Variants in TFEC observed in about 807,000 individuals in gnomAD.
The protein encoded by TFEC is transcription factor EC.
Under a neutral mutation model 41.6 loss-of-function variants are expected in TFEC, and 31 were observed. The ratio of observed to expected loss-of-function variants is 0.74; its 90% CI spans 0.56 to 1.01. The LOEUF (loss-of-function observed/expected upper bound fraction) is 1.01, where lower values mean the gene tolerates loss of function less well. Among genes scored for constraint, TFEC ranks in the 50% least tolerant of loss-of-function variants. The pLI, the probability that TFEC is intolerant of heterozygous loss-of-function variation, is 0.00. For missense variants in TFEC, 402 were observed against 404.1 expected, an observed-to-expected ratio of 0.99 and a Z score of 0.04; for synonymous variants, 143 against 140.6, an observed-to-expected ratio of 1.02 and a Z score of -0.12.
chr7:115,983,674 T>C (rs952913651), intron 2 of TFEC, among the ~76,000 whole-genome samples: 2 of 152,166 alleles, frequency 1.3e-5, no homozygotes, highest in African/African-American at 4.8e-5. Flanking sequence ...ACAATAAATA[T>C]AAACTCCATG....
intron 3 of TFEC, among the ~76,000 whole-genome samples, chr7:116,041,880 T>G (rs924668950): frequency 6.6e-6 from 1 of 152,174 alleles, no homozygotes; most frequent in Non-Finnish European, 1.5e-5. Context: ...AGGACAGAGC[T>G]GCATGATCAG....
chr7:116,124,469 T>C, intron 1 of TFEC, among the ~76,000 whole-genome samples: 1 of 152,130 alleles, frequency 6.6e-6, no homozygotes, highest in Admixed American at 6.6e-5. Flanking sequence ...AACTTTGGCG[T>C]ATAATTCAAC....
intron 1 of TFEC, among the ~76,000 whole-genome samples, chr7:115,995,423 ATGC>A (rs1255902077): frequency 1.3e-5 from 2 of 152,334 alleles, no homozygotes; most frequent in African/African-American, 4.8e-5. Context: ...ATGCTTACGT[ATGC>A]TTATATAATA....
chr7:115,977,362 C>T (rs1314847088), intron 2 of TFEC, among the ~76,000 whole-genome samples: 2 of 151,978 alleles, frequency 1.3e-5, no homozygotes, highest in Non-Finnish European at 2.9e-5. Context: ...CAAAGGAAAA[C>T]ATTTATGTTT....
In TFEC at chr7:116,119,272, A is replaced by G. The variant is rs570725070; in HGVS notation, c.-68-7234T>C. Among the ~76,000 whole-genome samples the G allele has an allele frequency of 2.6e-5, 4 of 152,032 alleles. No homozygotes were observed. The East Asian group carries it at 7.7e-4, about 29-fold the overall frequency. On this transcript the variant is annotated intron_variant, in intron 1 of 8. Transcript: ENST00000484212. ...TAACCCAGACACATTTGACTTGAAA[A>G]CAAATACCCCTAAACTACATTATAC...
rs529844281 is a variant in TFEC, at chr7:115,961,070, TC to T, written c.268-4278del. On this transcript the variant is annotated intron_variant, in intron 3 of 7. Transcript: ENST00000265440. The stretch of plus-strand genomic sequence containing the variant: ...AAATAGTGGAAGACTTTAACACACA[TC>T]TCTTCATTTTTGAAAAGTCAAGCAG... 2.9e-3 allele frequency among the ~76,000 whole-genome samples: 442 copies of T among 151,736 alleles called. 3 individuals are homozygous for T. Among genetic ancestry groups the T allele is most frequent in the Non-Finnish European group, 4.9e-3 (332 of 67,724 alleles).
intron 1 of TFEC, among the ~76,000 whole-genome samples, chr7:115,986,092 T>C (rs1793842553): frequency 6.6e-6 from 1 of 152,186 alleles, no homozygotes; most frequent in Admixed American, 6.6e-5. Flanking sequence ...AAAGCCTCAT[T>C]GAAGCACTTA....
chr7:116,126,553 A>C (rs1798212822), intron 1 of TFEC, among the ~76,000 whole-genome samples: 1 of 152,174 alleles, frequency 6.6e-6, no homozygotes, highest in Non-Finnish European at 1.5e-5. Flanking sequence ...GAACACTATC[A>C]AGAAATTTTA....
chr7:115,946,869 C>T (rs556293050), intron 6 of TFEC, among the ~76,000 whole-genome samples: 14 of 150,960 alleles, frequency 9.3e-5, no homozygotes, highest in South Asian at 2.2e-4. Flanking sequence ...TGATCATTTC[C>T]GGATAATGAA....
intron 3 of TFEC, among the ~76,000 whole-genome samples, chr7:116,102,692 C>G (rs1375449887): frequency 1.3e-5 from 2 of 152,142 alleles, no homozygotes; most frequent in Admixed American, 6.6e-5. Context: ...GTACACAACA[C>G]CTAAGAATAA....
intron 5 of TFEC, among the ~76,000 whole-genome samples, chr7:115,953,769 C>T (rs1792072190): frequency 6.6e-6 from 1 of 152,110 alleles, no homozygotes; most frequent in South Asian, 2.1e-4. Flanking sequence ...GCAAACATCA[C>T]TGTGACACAG....
At chr7:116,004,983 A>C (rs1300384144) in intron 1 of TFEC, among the ~76,000 whole-genome samples, 1 of 152,118 alleles carries the variant, frequency 6.6e-6, no homozygotes, top group Non-Finnish European at 1.5e-5. Context: ...CGGTTTCATA[A>C]GGGGGAGTTT....
chr7:116,054,125 G>A (rs1796376286), intron 3 of TFEC, among the ~76,000 whole-genome samples: 1 of 152,154 alleles, frequency 6.6e-6, no homozygotes, highest in Non-Finnish European at 1.5e-5. Flanking sequence ...CATCAGGGAG[G>A]ACTGTGCTAT....
intron 1 of TFEC, among the ~76,000 whole-genome samples, chr7:116,013,124 T>C (rs10500054): frequency 0.4 from 61,316 of 151,914 alleles, 13,356 homozygotes; most frequent in Non-Finnish European, 0.5. Context: ...CTAAGTACAT[T>C]TCTATCACTC....
chr7:115,941,912 C>T lies in TFEC; in HGVS notation c.644G>A (p.Arg215Gln), dbSNP rs1584544814. The stretch of plus-strand genomic sequence containing the variant: ...AAAAACCTGAATCCGAAGTAGAAGT[C>T]GCCTGTTAGCCTGCTCTAATTTCTT... Reference protein sequence around the residue: ...RQKKLEQANRRLLLRIQELEI... With the variant: ...RQKKLEQANRQLLLRIQELEI... Residue 215 changes from arginine (R) to glutamine (Q), a missense_variant, in exon 7 of 8, where the codon CGA (arginine) becomes CAA (glutamine). Physicochemically the swap from Arg to Gln is conservative, Grantham distance 43. Coordinates refer to ENST00000265440, the MANE Select transcript of TFEC (RefSeq NM_012252.4). 6 of 1,612,968 alleles carry T rather than the reference C, an allele frequency of 3.7e-6. No homozygotes were observed. The highest frequency in any genetic ancestry group is 2.2e-5 in the East Asian group (1 of 44,830).
At chr7:116,083,231 C>T (rs1290599271) in intron 3 of TFEC, among the ~76,000 whole-genome samples, 1 of 151,618 alleles carries the variant, frequency 6.6e-6, no homozygotes, top group Non-Finnish European at 1.5e-5. Context: ...AATTACAAGG[C>T]TAACTTCTTC....
chr7:116,056,957 G>C (rs1796445675), intron 3 of TFEC, among the ~76,000 whole-genome samples: 1 of 151,954 alleles, frequency 6.6e-6, no homozygotes, highest in East Asian at 1.9e-4. Context: ...ATTATGTAAA[G>C]ACATACAATA....
intron 3 of TFEC, among the ~76,000 whole-genome samples, chr7:115,965,597 T>G (rs550973217): frequency 1.4e-4 from 22 of 151,814 alleles, no homozygotes; most frequent in Non-Finnish European, 1.5e-4. Flanking sequence ...AGTGAAACTT[T>G]TATTCAAATT....
At chr7:116,113,284 C>T (rs891884817) in intron 1 of TFEC, among the ~76,000 whole-genome samples, 1 of 151,784 alleles carries the variant, frequency 6.6e-6, no homozygotes, top group African/African-American at 2.4e-5. Flanking sequence ...GTAGGGTGAG[C>T]CCTTAATTCA....
Sources: allele counts gnomAD v4.1 joint callset (sites outside exome capture counted in the v4.1 genomes callset), GRCh38; gene constraint gnomAD v4.1.1; transcripts MANE v1.5; gene names NCBI Gene and HGNC (gene_info 2026-07-23, HGNC 2026-07-21).